The following ANKRD12 variants were observed in gnomAD, a reference collection of about 807,000 sequenced individuals.
ANKRD12 encodes ankyrin repeat domain-containing protein 12.
In ANKRD12, 85 loss-of-function variants were observed where a neutral mutation model predicts 183.4. That is an observed-to-expected ratio of 0.46 (90% CI 0.39 to 0.56). The LOEUF (loss-of-function observed/expected upper bound fraction) is 0.56, where lower values mean the gene tolerates loss of function less well. ANKRD12 is among the 20% of genes least tolerant of loss of function. The pLI, the probability that ANKRD12 is intolerant of heterozygous loss-of-function variation, is 0.00. For missense variants in ANKRD12, 2,405 were observed against 2,357.1 expected (o/e 1.02, Z -0.42); for synonymous variants, 914 against 800.2 (o/e 1.14, Z -2.40).
rs770666634 is a variant in ANKRD12, at chr18:9,250,503, G to T, written c.944-3708G>T. ...GGAGGCTGAGGTGGGAGGATTACTT[G>T]AGGCCAGGAATTCGAGACCACCCTG... On this transcript the variant is annotated intron_variant, in intron 8 of 12. Transcript: ENST00000262126. Among the ~76,000 whole-genome samples, 124 of 152,114 alleles carry T rather than the reference G, an allele frequency of 8.2e-4. 1 individual carries two copies. The highest frequency in any genetic ancestry group is 2.6e-4 in the Non-Finnish European group (18 of 68,004).
At position 9,254,582 on chromosome 18, in the gene ANKRD12, A is replaced by G. The variant is rs2038489156; in HGVS notation, c.1315A>G (p.Ile439Val). ...SDEEALQNKK[I>V]STSCSVIPET... is the part of the protein sequence containing the mutation. ...TGAAGAAGCTCTTCAGAATAAAAAG[A>G]TTTCTACTTCATGTTCCGTCATCCC... The change falls in exon 9 of 13, where the codon ATT (isoleucine) becomes GTT (valine). Residue 439 changes from isoleucine (I) to valine (V), a missense_variant. Transcript: ENST00000262126. The G allele has an allele frequency of 1.5e-5, 24 of 1,576,746 alleles. No homozygotes were observed. Among genetic ancestry groups the G allele is most frequent in the Non-Finnish European group, 2.1e-5 (24 of 1,167,024 alleles).
intron 1 of ANKRD12, among the ~76,000 whole-genome samples, chr18:9,151,919 A>C (rs1229116235): frequency 6.6e-6 from 1 of 152,216 alleles, no homozygotes; most frequent in Non-Finnish European, 1.5e-5. Flanking sequence ...ATAGATGATG[A>C]AATTAAGTAA....
chr18:9,156,292 A>C (rs1425063295), intron 1 of ANKRD12, among the ~76,000 whole-genome samples: 2 of 152,114 alleles, frequency 1.3e-5, no homozygotes, highest in African/African-American at 4.8e-5. Context: ...GTCATAATTA[A>C]TTCTGAAATT....
At chr18:9,269,247 T>G (rs1026673619) in intron 10 of ANKRD12, among the ~76,000 whole-genome samples, 75 of 152,350 alleles carry the variant, frequency 4.9e-4, no homozygotes, top group Non-Finnish European at 8.8e-4. Context: ...AATGACTTTC[T>G]TCACAGAATT....
chr18:9,247,836 C>G (rs886802254), intron 8 of ANKRD12, among the ~76,000 whole-genome samples: 3 of 151,630 alleles, frequency 2.0e-5, no homozygotes, highest in Non-Finnish European at 4.4e-5. Context: ...GAGTTTCATT[C>G]TTGTTGCCCA....
chr18:9,262,786 CCTTTTTTTTTTTTTTTTTTT>C (rs1404893837), intron 9 of ANKRD12, among the ~76,000 whole-genome samples: 3 of 87,932 alleles, frequency 3.4e-5, no homozygotes, highest in African/African-American at 1.2e-4. Flanking sequence ...CCAAGATGTC[CCTTTTTTTTTTTTTTTTTTT>C]TTTTTTTTTT....
intron 11 of ANKRD12, among the ~76,000 whole-genome samples, chr18:9,277,273 A>G (rs2145469794): frequency 7.1e-6 from 1 of 140,438 alleles, no homozygotes; most frequent in African/African-American, 2.6e-5. Flanking sequence ...GTGAGGTATG[A>G]TTGCGCCCGC....
At chr18:9,155,637 G>C (rs1184417199) in intron 1 of ANKRD12, among the ~76,000 whole-genome samples, 1 of 152,100 alleles carries the variant, frequency 6.6e-6, no homozygotes, top group African/African-American at 2.4e-5. Context: ...TTTTAATCTT[G>C]GTCAGACTTT....
intron 1 of ANKRD12, among the ~76,000 whole-genome samples, chr18:9,149,519 A>G (rs935624912): frequency 2.0e-5 from 3 of 152,204 alleles, no homozygotes; most frequent in Non-Finnish European, 4.4e-5. Context: ...AAATGAGGAA[A>G]CTGAAAGCCA....
intron 1 of ANKRD12, among the ~76,000 whole-genome samples, chr18:9,165,312 T>C (rs2031916309): frequency 6.6e-6 from 1 of 152,104 alleles, no homozygotes; most frequent in South Asian, 2.1e-4. Context: ...TGGATTTCTT[T>C]TTTTGGCGGG....
intron 3 of ANKRD12, among the ~76,000 whole-genome samples, chr18:9,200,876 ATC>A (rs1321405355): frequency 6.6e-6 from 1 of 152,186 alleles, no homozygotes; most frequent in Admixed American, 6.5e-5. Context: ...TCAGGCACTG[ATC>A]TCTTTTCATC....
chr18:9,276,764 A>T (rs1430782169), intron 11 of ANKRD12, among the ~76,000 whole-genome samples: 1 of 152,210 alleles, frequency 6.6e-6, no homozygotes, highest in Non-Finnish European at 1.5e-5. Flanking sequence ...TTCAAATGAA[A>T]GTGTTCAGAG....
intron 8 of ANKRD12, among the ~76,000 whole-genome samples, chr18:9,235,099 G>T (rs1012495037): frequency 2.6e-5 from 4 of 151,196 alleles, no homozygotes; most frequent in Non-Finnish European, 5.9e-5. Flanking sequence ...TGGAGAGGGT[G>T]GGTGTCTGAT....
intron 1 of ANKRD12, among the ~76,000 whole-genome samples, chr18:9,153,164 A>C (rs1466294390): frequency 6.6e-6 from 1 of 152,128 alleles, no homozygotes; most frequent in East Asian, 1.9e-4. Flanking sequence ...TTGAGTGCCT[A>C]CTCAAAAGCA....
Position 9,258,924 on chromosome 18 carries a change from T to C in ANKRD12, c.5657T>C (p.Ile1886Thr). The change falls in exon 9 of 13, where the codon ATT (isoleucine) becomes ACT (threonine). Residue 1886 changes from isoleucine to threonine, a missense_variant. Ile to Thr is a moderately conservative substitution (Grantham distance 89). Transcript: ENST00000262126. ...GGAAACCCCTTAAGCAAGATTTGTATTCCCACAGTAAGTAACATCATCACT... is the reference window on the plus strand; with the variant it reads ...GGAAACCCCTTAAGCAAGATTTGTACTCCCACAGTAAGTAACATCATCACT... Reference protein sequence around the residue: ...LDGNPLSKICIPTITPPPSLS... With the variant: ...LDGNPLSKICTPTITPPPSLS... 6.2e-7 allele frequency: 1 copy of C among 1,601,854 alleles called. No individual in the cohort carries two copies. The highest frequency in any genetic ancestry group is 8.5e-7 in the Non-Finnish European group (1 of 1,173,562).
At position 9,256,672 on chromosome 18, in the gene ANKRD12, T is replaced by C; in HGVS notation, c.3405T>C (p.Asn1135=). Residue 1135 remains asparagine (N), a synonymous_variant, in exon 9 of 13, where the codon AAT becomes AAC. Coordinates refer to ENST00000262126, the MANE Select transcript of ANKRD12 (RefSeq NM_015208.5). ...AGCATACACCAACTGAATCCAAAAA[T>C]AAAGAACTTACTAGGTCAAAGAGTT... ...KTKHTPTESK[N]KELTRSKSSE... 1 of 1,606,142 alleles carries C rather than the reference T, an allele frequency of 6.2e-7. No individual in the cohort carries two copies. The highest frequency in any genetic ancestry group is 8.5e-7 in the Non-Finnish European group (1 of 1,178,186).
chr18:9,256,756 A>C lies in ANKRD12; in HGVS notation c.3489A>C (p.Arg1163Ser). 1 of 1,613,838 alleles carries C rather than the reference A, an allele frequency of 6.2e-7. No individual in the cohort carries two copies. Among genetic ancestry groups the C allele is most frequent in the Non-Finnish European group, 8.5e-7 (1 of 1,179,932 alleles). Residue 1163 changes from arginine (R) to serine (S), a missense_variant, in exon 9 of 13, where the codon AGA becomes AGC. Physicochemically the swap from Arg to Ser is moderately radical, Grantham distance 110. Coordinates refer to ENST00000262126, the MANE Select transcript of ANKRD12 (RefSeq NM_015208.5). ...AACCTAAAGATGCTGTAAGTAACAG[A>C]TCACAATCTGTTGACACCAAAAATG... The part of the protein sequence containing the change: ...EKQPKDAVSN[R>S]SQSVDTKNVM...
At chr18:9,220,749 T>A (rs1208592306) in intron 7 of ANKRD12, among the ~76,000 whole-genome samples, 3 of 152,216 alleles carry the variant, frequency 2.0e-5, no homozygotes, top group Non-Finnish European at 4.4e-5. Context: ...GACAAGAGAA[T>A]GAATGGATGG....
intron 3 of ANKRD12, 108 bp from the exon 4 acceptor site, chr18:9,204,368 C>A: frequency 1.3e-6 from 1 of 773,818 alleles, no homozygotes; most frequent in Non-Finnish European, 2.1e-6. Flanking sequence ...TTTGGCAAAA[C>A]AATAATAGCT....
Sources: gnomAD v4.1 joint callset for allele counts (sites outside exome capture counted in the v4.1 genomes callset) on GRCh38, gnomAD v4.1.1 for gene constraint, MANE v1.5 for transcripts, NCBI Gene and HGNC (gene_info 2026-07-23, HGNC 2026-07-21) for gene names.